ST6GALNAC5: variants seen among roughly 807,000 people sequenced by gnomAD.
ST6GALNAC5 encodes ST6 N-acetylgalactosaminide alpha-2,6-sialyltransferase 5.
Under a neutral mutation model 33.6 loss-of-function variants are expected in ST6GALNAC5, and 27 were observed. The observed-to-expected ratio is 0.80, with a 90% CI of 0.59 to 1.11. The LOEUF (loss-of-function observed/expected upper bound fraction) is 1.11, where lower values mean the gene tolerates loss of function less well. Among genes scored for constraint, ST6GALNAC5 ranks in the 50% least tolerant of loss-of-function variants. The pLI, the probability that ST6GALNAC5 is intolerant of heterozygous loss-of-function variation, is 0.00. For missense variants in ST6GALNAC5, 428 were observed against 454.0 expected (o/e 0.94, Z 0.52); for synonymous variants, 194 against 171.2 (o/e 1.13, Z -1.04).
chr1:76,977,692 C>A (rs1230105764), intron 2 of ST6GALNAC5, among the ~76,000 whole-genome samples: 2 of 152,142 alleles, frequency 1.3e-5, no homozygotes, highest in South Asian at 2.1e-4. Context: ...CTATTCCATT[C>A]TATACACCAC....
intron 4 of ST6GALNAC5, among the ~76,000 whole-genome samples, chr1:77,062,372 G>T (rs1412402536): frequency 6.6e-6 from 1 of 152,176 alleles, no homozygotes; most frequent in East Asian, 1.9e-4. Context: ...ACCCAAAGGT[G>T]AGGAGTGAAC....
At chr1:76,919,747 A>G (rs899842323) in intron 2 of ST6GALNAC5, among the ~76,000 whole-genome samples, 2 of 152,166 alleles carry the variant, frequency 1.3e-5, no homozygotes, top group African/African-American at 4.8e-5. Flanking sequence ...AAACAAACAA[A>G]CAAACAAACT....
intron 2 of ST6GALNAC5, among the ~76,000 whole-genome samples, chr1:76,965,265 C>G (rs1335488975): frequency 1.3e-5 from 2 of 152,146 alleles, no homozygotes; most frequent in Non-Finnish European, 2.9e-5. Context: ...ACATCCTCTC[C>G]AGCATCTGTT....
chr1:76,868,591 C>A lies in ST6GALNAC5; in HGVS notation c.110C>A (p.Pro37Gln), dbSNP rs914284704. Reference protein sequence around the residue: ...SSLGGQKERPPQQQQQQQQQQ... With the variant: ...SSLGGQKERPQQQQQQQQQQQ... ...CTCGGCGGCCAGAAGGAGCGGCCCC[C>A]GCAGCAGCAGCAGCAGCAGCAGCAA... Residue 37 changes from proline (P) to glutamine (Q), a missense_variant, in exon 2 of 5, where the codon CCG becomes CAG. Physicochemically the swap from Pro to Gln is moderately conservative, Grantham distance 76. Transcript: ENST00000477717. This position sits in a 1 kb window ranked among gnomAD's most constrained non-coding sequence, Gnocchi z 4.3. The A allele has an allele frequency of 4.3e-6, 7 of 1,609,640 alleles. No homozygotes were observed. The highest frequency in any genetic ancestry group is 5.9e-6 in the Non-Finnish European group (7 of 1,178,300).
At chr1:77,041,960 A>T (rs1651844902) in intron 2 of ST6GALNAC5, among the ~76,000 whole-genome samples, 1 of 152,138 alleles carries the variant, frequency 6.6e-6, no homozygotes, top group Admixed American at 6.5e-5. Context: ...ATCCCATAAC[A>T]CTGATTCTGC....
At chr1:76,989,547 T>G (rs576209062) in intron 2 of ST6GALNAC5, among the ~76,000 whole-genome samples, 1 of 152,258 alleles carries the variant, frequency 6.6e-6, no homozygotes, top group South Asian at 2.1e-4. Context: ...CCTTTTGTCT[T>G]GGAGTATAGA....
chr1:76,911,266 C>A (rs1029337032), intron 2 of ST6GALNAC5, among the ~76,000 whole-genome samples: 2 of 152,032 alleles, frequency 1.3e-5, no homozygotes, highest in African/African-American at 4.8e-5. Context: ...CGTATATTGA[C>A]CCAGGCTTGC....
At chr1:77,023,204 G>T (rs1476635627) in intron 2 of ST6GALNAC5, among the ~76,000 whole-genome samples, 1 of 152,160 alleles carries the variant, frequency 6.6e-6, no homozygotes. Context: ...GAACTGTTGC[G>T]GGGAGGGATT....
chr1:76,957,139 C>G (rs752319891), intron 2 of ST6GALNAC5, among the ~76,000 whole-genome samples: 1 of 152,144 alleles, frequency 6.6e-6, no homozygotes, highest in Admixed American at 6.5e-5. Context: ...GACTGGGTAA[C>G]TTAAAACAAT....
intron 2 of ST6GALNAC5, among the ~76,000 whole-genome samples, chr1:76,911,641 G>C (rs1646913785): frequency 6.6e-6 from 1 of 152,134 alleles, no homozygotes; most frequent in African/African-American, 2.4e-5. Context: ...GGTCTATTCA[G>C]AGATTCAACT....
chr1:77,062,936 T>C (rs765388180), intron 4 of ST6GALNAC5, 39 bp from the exon 5 acceptor site: 14 of 1,569,126 alleles, frequency 8.9e-6, no homozygotes, highest in Non-Finnish European at 9.6e-6. Context: ...GAAAAAAAAT[T>C]TTTTTGCTTT....
At chr1:76,918,268 C>T (rs1352171850) in intron 2 of ST6GALNAC5, among the ~76,000 whole-genome samples, 2 of 152,024 alleles carry the variant, frequency 1.3e-5, no homozygotes, top group Non-Finnish European at 2.9e-5. Flanking sequence ...TAATAAAATG[C>T]TTCTAATGTT....
intron 2 of ST6GALNAC5, among the ~76,000 whole-genome samples, chr1:76,952,734 A>G (rs1245365497): frequency 1.3e-5 from 2 of 152,050 alleles, no homozygotes; most frequent in East Asian, 3.9e-4. Flanking sequence ...TAGAAAATAA[A>G]AACACCATGG....
intron 2 of ST6GALNAC5, among the ~76,000 whole-genome samples, chr1:77,032,718 C>A (rs1440781505): frequency 2.0e-5 from 3 of 152,162 alleles, no homozygotes; most frequent in Non-Finnish European, 4.4e-5. Context: ...AGTGCTCTCT[C>A]CACTCTAACA....
intron 2 of ST6GALNAC5, among the ~76,000 whole-genome samples, chr1:76,969,636 C>A (rs563099941): frequency 6.6e-6 from 1 of 152,314 alleles, no homozygotes; most frequent in South Asian, 2.1e-4. Context: ...CTTCTGCAGA[C>A]TTAAACGTCC....
At chr1:77,037,151 G>A (rs1479165445) in intron 2 of ST6GALNAC5, among the ~76,000 whole-genome samples, 1 of 152,270 alleles carries the variant, frequency 6.6e-6, no homozygotes, top group East Asian at 1.9e-4. Context: ...GATAGAAGCT[G>A]CAGATCTTGA....
chr1:76,995,147 C>T (rs898344668), intron 2 of ST6GALNAC5, among the ~76,000 whole-genome samples: 2 of 152,198 alleles, frequency 1.3e-5, no homozygotes, highest in Middle Eastern at 6.8e-3. Flanking sequence ...CCTGTAATCC[C>T]AGCACTTTAG....
intron 2 of ST6GALNAC5, among the ~76,000 whole-genome samples, chr1:76,974,773 C>CTTTTTTT (rs60357939): frequency 0.014 from 506 of 35,234 alleles, 85 homozygotes; most frequent in Middle Eastern, 0.091. Context: ...TTCTTTCTTT[C>CTTTTTTT]TTTTTTTTTT....
chr1:77,020,850 G>A lies in ST6GALNAC5; in HGVS notation c.262-23354G>A, dbSNP rs973180232. Among the ~76,000 whole-genome samples the A allele has an allele frequency of 5.3e-5, 8 of 152,368 alleles. No individual in the cohort carries two copies. The South Asian group carries it at 1.4e-3, about 28-fold the overall frequency. The stretch of plus-strand genomic sequence containing the variant: ...TAAAGGCTCCGTTACACCTCTGGGG[G>A]CTGATGCTGGCTGGTGGCTTGCACC... On this transcript the variant is annotated intron_variant, in intron 2 of 4. Transcript: ENST00000477717.
Sources: allele counts gnomAD v4.1 joint callset (sites outside exome capture counted in the v4.1 genomes callset), GRCh38; gene constraint gnomAD v4.1.1; non-coding constraint Gnocchi (gnomAD v3.1); transcripts MANE v1.5; gene names NCBI Gene and HGNC (gene_info 2026-07-23, HGNC 2026-07-21).